The following MSH3 variants were observed in gnomAD, a reference collection of about 807,000 sequenced individuals.
The protein encoded by MSH3 is mutS homolog 3, also known as DNA mismatch repair protein Msh3.
In MSH3, 106 loss-of-function variants were observed where a neutral mutation model predicts 123.3. That is an observed-to-expected ratio of 0.86 (90% CI 0.73 to 1.01). The LOEUF is 1.01. Ranked by LOEUF, MSH3 falls within the 50% of genes least tolerant of loss-of-function variation. The probability of loss-of-function intolerance (pLI) is 0.00; values close to 1 mark genes in which losing one functional copy is unlikely to be tolerated. For synonymous variants in MSH3, 515 were observed against 481.4 expected, an observed-to-expected ratio of 1.07 and a Z score of -0.91; for missense variants, 1,459 against 1,347.6, an observed-to-expected ratio of 1.08 and a Z score of -1.29.
At chr5:80,716,432 C>A (rs836794) in intron 8 of MSH3, among the ~76,000 whole-genome samples, 36,561 of 151,578 alleles carry the variant, frequency 0.24, 4,553 homozygotes, top group Middle Eastern at 0.32. Flanking sequence ...TGACAACTAT[C>A]TTTTTTTTGT....
rs144024643 is a variant in MSH3 at position 80,683,111 on chromosome 5, C to G, written c.1340+4018C>G. On this transcript the variant is annotated intron_variant, in intron 8 of 23. Coordinates refer to ENST00000265081, the MANE Select transcript of MSH3 (RefSeq NM_002439.5). ...TTTTCTTTACCCATTTGTCTGCTGACAGACACCTGGGTGCTCGCAAATCTT... is the reference window on the plus strand; with the variant it reads ...TTTTCTTTACCCATTTGTCTGCTGAGAGACACCTGGGTGCTCGCAAATCTT... 2.0e-3 allele frequency among the ~76,000 whole-genome samples: 306 copies of G among 152,306 alleles called. 2 individuals are homozygous for G. The highest frequency in any genetic ancestry group is 7.0e-3 in the African/African-American group (291 of 41,574).
intron 17 of MSH3, among the ~76,000 whole-genome samples, chr5:80,780,301 T>C (rs1744386946): frequency 1.3e-5 from 2 of 152,166 alleles, no homozygotes; most frequent in African/African-American, 4.8e-5. Context: ...TTTTCATGAG[T>C]CCATAGGAAC....
At chr5:80,861,836 G>C (rs1746017535) in intron 21 of MSH3, among the ~76,000 whole-genome samples, 1 of 152,060 alleles carries the variant, frequency 6.6e-6, no homozygotes, top group Non-Finnish European at 1.5e-5. Context: ...CTTTGTATCT[G>C]CTTGTCTGTC....
At chr5:80,853,635 C>T (rs936268311) in intron 20 of MSH3, among the ~76,000 whole-genome samples, 3 of 152,124 alleles carry the variant, frequency 2.0e-5, no homozygotes, top group South Asian at 2.1e-4. Flanking sequence ...AGGTATCAAA[C>T]GTCTATAATT....
chr5:80,748,957 A>G (rs1743775247), intron 12 of MSH3, among the ~76,000 whole-genome samples: 1 of 152,182 alleles, frequency 6.6e-6, no homozygotes, highest in Non-Finnish European at 1.5e-5. Flanking sequence ...AGCATACTAT[A>G]TACTTTAAAA....
chr5:80,678,879 T>C, intron 7 of MSH3, 48 bp from the exon 8 acceptor site: 1 of 1,602,220 alleles, frequency 6.2e-7, no homozygotes, highest in Non-Finnish European at 8.5e-7. Flanking sequence ...TAGCCATAAC[T>C]GGGGAAATAC....
rs537930124 is a variant in MSH3 at position 80,687,891 on chromosome 5, G to T, written c.1340+8798G>T. Among the ~76,000 whole-genome samples the T allele has an allele frequency of 1.3e-4, 20 of 152,220 alleles. 1 individual carries two copies. In the East Asian group the frequency reaches 1.9e-3, roughly 15 times the overall value. On this transcript the variant is annotated intron_variant, in intron 8 of 23. Transcript: ENST00000265081. ...AAGGAAAAAGCGGATACAGAGAAAAGAATCAGATCAAGGAGCTTAGAGAAT... is the reference window on the plus strand; with the variant it reads ...AAGGAAAAAGCGGATACAGAGAAAATAATCAGATCAAGGAGCTTAGAGAAT...
At chr5:80,795,734 A>G (rs1161374479) in intron 19 of MSH3, among the ~76,000 whole-genome samples, 3 of 152,212 alleles carry the variant, frequency 2.0e-5, no homozygotes, top group African/African-American at 7.2e-5. Context: ...ATAAGTACCA[A>G]TCTTTTTATT....
chr5:80,726,336 T>G (rs1189510958), intron 9 of MSH3, among the ~76,000 whole-genome samples: 1 of 152,170 alleles, frequency 6.6e-6, no homozygotes, highest in Admixed American at 6.5e-5. Context: ...CATCATCAGC[T>G]CCCCATCACT....
In MSH3 at chr5:80,876,644, AAAAAG is replaced by A. The variant is rs1746314275; in HGVS notation, c.*791_*795del. On this transcript the variant is annotated 3_prime_UTR_variant, in exon 24 of 24. Transcript: ENST00000265081. ...ACTCCATCTCAAAAAAAAAAAAAGA[AAAAAG>A]AAAAGAAATAGAATTATCAAGCTTT... Among the ~76,000 whole-genome samples, 4 of 151,972 alleles carry A rather than the reference AAAAAG, an allele frequency of 2.6e-5. No homozygotes were observed. Among genetic ancestry groups the A allele is most frequent in the Admixed American group, 6.6e-5 (1 of 15,242 alleles).
chr5:80,740,697 T>C (rs533018858), intron 10 of MSH3, among the ~76,000 whole-genome samples: 1 of 150,910 alleles, frequency 6.6e-6, no homozygotes, highest in Middle Eastern at 3.4e-3. Context: ...ATAACACTTG[T>C]TGCATATGTT....
intron 17 of MSH3, among the ~76,000 whole-genome samples, chr5:80,786,023 G>A (rs1313927828): frequency 4.6e-5 from 7 of 151,940 alleles, no homozygotes; most frequent in Non-Finnish European, 1.0e-4. Flanking sequence ...GGATAACATT[G>A]GGAGATATAC....
At chr5:80,765,949 A>G (rs1744114947) in intron 13 of MSH3, among the ~76,000 whole-genome samples, 1 of 152,054 alleles carries the variant, frequency 6.6e-6, no homozygotes, top group Non-Finnish European at 1.5e-5. Flanking sequence ...ATTGGTATAA[A>G]ATTCTAGGTT....
chr5:80,719,428 A>T (rs893548254), intron 8 of MSH3, among the ~76,000 whole-genome samples: 5 of 152,196 alleles, frequency 3.3e-5, no homozygotes, highest in African/African-American at 9.7e-5. Context: ...AGAACTCATT[A>T]AAAAATACTT....
chr5:80,686,373 G>A (rs991595965), intron 8 of MSH3, among the ~76,000 whole-genome samples: 6 of 150,966 alleles, frequency 4.0e-5, no homozygotes, highest in Admixed American at 4.0e-4. Context: ...CATGATCTCA[G>A]TACACTGCAA....
chr5:80,741,364 T>C (rs1451473745), intron 10 of MSH3, 100 bp from the exon 11 acceptor site: 1 of 791,126 alleles, frequency 1.3e-6, no homozygotes, highest in South Asian at 1.5e-5. Context: ...AGAATGCTAA[T>C]TTTTGCCATA....
At chr5:80,763,899 C>T (rs1295983154) in intron 13 of MSH3, among the ~76,000 whole-genome samples, 1 of 152,208 alleles carries the variant, frequency 6.6e-6, no homozygotes, top group East Asian at 1.9e-4. Flanking sequence ...TTTGGAATTT[C>T]AAAATATAGT....
At chr5:80,701,215 A>G (rs1262765315) in intron 8 of MSH3, among the ~76,000 whole-genome samples, 1 of 152,212 alleles carries the variant, frequency 6.6e-6, no homozygotes, top group East Asian at 1.9e-4. Flanking sequence ...TAGGGGGTAA[A>G]TGGAAAGGAA....
chr5:80,847,888 T>C (rs1580087792), intron 20 of MSH3, among the ~76,000 whole-genome samples: 1 of 152,216 alleles, frequency 6.6e-6, no homozygotes, highest in African/African-American at 2.4e-5. Context: ...TCTTGGTCTT[T>C]CTCATTGCTG....
Sources: allele counts gnomAD v4.1 joint callset (sites outside exome capture counted in the v4.1 genomes callset), GRCh38; gene constraint gnomAD v4.1.1; transcripts MANE v1.5; gene names NCBI Gene and HGNC (gene_info 2026-07-23, HGNC 2026-07-21).